TBC1D30: variants seen among roughly 807,000 people sequenced by gnomAD.
The protein encoded by TBC1D30 is TBC1 domain family member 30.
In TBC1D30, 31 loss-of-function variants were observed where a neutral mutation model predicts 63.2. The observed-to-expected ratio is 0.49, with a 90% CI of 0.37 to 0.66. The LOEUF (loss-of-function observed/expected upper bound fraction) is 0.66. Among genes scored for constraint, TBC1D30 ranks in the 30% least tolerant of loss-of-function variants. The probability of loss-of-function intolerance (pLI) is 0.00; values close to 1 mark genes in which losing one functional copy is unlikely to be tolerated. For missense variants in TBC1D30, 810 were observed against 953.6 expected (o/e 0.85, Z 1.98); for synonymous variants, 307 against 361.5 (o/e 0.85, Z 1.71).
chr12:64,774,809 A>G (rs183589513), intron 1 of TBC1D30, among the ~76,000 whole-genome samples: 450 of 152,094 alleles, frequency 3.0e-3, no homozygotes, highest in African/African-American at 0.01. Flanking sequence ...ATATGGAAAG[A>G]AGGCCGGGCA....
intron 7 of TBC1D30, 66 bp from the exon 8 acceptor site, chr12:64,843,314 A>G (rs1592624631): frequency 1.5e-6 from 2 of 1,345,196 alleles, no homozygotes; most frequent in Admixed American, 2.0e-5. Context: ...TTATACCTGC[A>G]GCATGTACTG....
chr12:64,801,852 C>T (rs976534852), intron 2 of TBC1D30, among the ~76,000 whole-genome samples: 2 of 152,186 alleles, frequency 1.3e-5, no homozygotes, highest in African/African-American at 2.4e-5. Context: ...ACCTCCTTAA[C>T]AGCATTGTGA....
rs1879396340 is a variant in TBC1D30, at chr12:64,880,546, A to G, written c.*4758A>G. ...TATGTTTTGGTCTCTTCCTCTTCTG[A>G]TAAGGGCACTAACCTCATCATGAGG... On this transcript the variant is annotated 3_prime_UTR_variant, in exon 12 of 12. Coordinates refer to ENST00000539867, the MANE Select transcript of TBC1D30 (RefSeq NM_015279.2). The G allele has an allele frequency of 1.3e-5, 2 of 152,320 alleles. No individual in the cohort carries two copies. Among genetic ancestry groups the G allele is most frequent in the Non-Finnish European group, 2.9e-5 (2 of 68,046 alleles). 9.4% of individuals were successfully genotyped at this position (152,320 alleles called of 1,614,324 possible).
chr12:64,800,882 G>C (rs1212847382), intron 2 of TBC1D30, among the ~76,000 whole-genome samples: 1 of 152,192 alleles, frequency 6.6e-6, no homozygotes, highest in Non-Finnish European at 1.5e-5. Flanking sequence ...TCATTTAAGA[G>C]GAGTTTCTGT....
At chr12:64,766,967 A>G (rs374369430) in intron 1 of TBC1D30, among the ~76,000 whole-genome samples, 11 of 152,190 alleles carry the variant, frequency 7.2e-5, no homozygotes, top group African/African-American at 2.2e-4. Flanking sequence ...AACAGAAATC[A>G]AAAGGGAAAT....
intron 1 of TBC1D30, among the ~76,000 whole-genome samples, chr12:64,783,733 A>T (rs1052680913): frequency 6.6e-6 from 1 of 151,522 alleles, no homozygotes; most frequent in African/African-American, 2.4e-5. Flanking sequence ...CTTAGGGATC[A>T]CTGGAAATGA....
At chr12:64,836,343 A>C in intron 5 of TBC1D30, 147 bp from the exon 6 acceptor site, 2 of 604,464 alleles carry the variant, frequency 3.3e-6, no homozygotes, top group South Asian at 5.0e-5. Context: ...AGCCTTGTAA[A>C]TCTGGAACAT....
intron 1 of TBC1D30, chr12:64,825,301 G>A (rs1470656883): frequency 9.5e-6 from 4 of 423,224 alleles, no homozygotes; most frequent in African/African-American, 6.2e-5. Flanking sequence ...CCTGCGGCCT[G>A]TGTGCTCGGC....
At chr12:64,849,837 G>T (rs1876709664) in intron 8 of TBC1D30, among the ~76,000 whole-genome samples, 1 of 152,130 alleles carries the variant, frequency 6.6e-6, no homozygotes, top group Non-Finnish European at 1.5e-5. Context: ...GATGGGGATA[G>T]CATTGAATCT....
intron 2 of TBC1D30, among the ~76,000 whole-genome samples, chr12:64,796,799 G>A (rs1872300677): frequency 6.6e-6 from 1 of 152,060 alleles, no homozygotes; most frequent in African/African-American, 2.4e-5. Flanking sequence ...ATGGTAACAA[G>A]CAATATATCA....
intron 1 of TBC1D30, among the ~76,000 whole-genome samples, chr12:64,770,441 G>A (rs1187329912): frequency 6.6e-6 from 1 of 152,184 alleles, no homozygotes; most frequent in African/African-American, 2.4e-5. Context: ...TCCCAGGGCT[G>A]GCTTTATGCA....
intron 1 of TBC1D30, among the ~76,000 whole-genome samples, 198 bp from the exon 2 acceptor site, chr12:64,827,637 C>T (rs982731858): frequency 1.1e-4 from 16 of 152,092 alleles, no homozygotes; most frequent in African/African-American, 3.1e-4. Context: ...TAGTAAGGCA[C>T]TTTCTATTGC....
chr12:64,818,025 T>C (rs543309326), intron 2 of TBC1D30, among the ~76,000 whole-genome samples: 2 of 148,756 alleles, frequency 1.3e-5, no homozygotes, highest in South Asian at 2.1e-4. Flanking sequence ...ATCCCTCCAC[T>C]GTACTCCAGC....
At chr12:64,832,057 G>A (rs914105597) in intron 4 of TBC1D30, 62 bp from the exon 5 acceptor site, 7 of 1,361,514 alleles carry the variant, frequency 5.1e-6, no homozygotes, top group Non-Finnish European at 6.8e-6. Flanking sequence ...AAAAAAAAAA[G>A]GTATTGTTTT....
upstream of TBC1D30, chr12:64,779,109 A>T (rs1871159917): frequency 6.6e-6 from 1 of 151,918 alleles, no homozygotes; most frequent in Admixed American, 6.6e-5. Context: ...CCTGATGGAG[A>T]TTCCCTAAAT....
chr12:64,780,170 C>T (rs1173275246), upstream of TBC1D30, among the ~76,000 whole-genome samples: 4 of 152,202 alleles, frequency 2.6e-5, no homozygotes, highest in Non-Finnish European at 4.4e-5. Context: ...AAAAAGTTCA[C>T]AGCGTTATTA....
In TBC1D30 at chr12:64,875,415, C is replaced by T. The variant is rs568811029; in HGVS notation, c.1913C>T (p.Pro638Leu). 8.6e-5 allele frequency: 132 copies of T among 1,536,176 alleles called. 1 individual carries two copies. In the East Asian group the frequency reaches 9.3e-4, roughly 11 times the overall value. ...STRRTIEGQSPEPVFGDADVD... is the reference protein window; with the variant it reads ...STRRTIEGQSLEPVFGDADVD... ...AGGAGGACGATCGAGGGGCAGTCTC[C>T]GGAGCCGGTGTTCGGAGATGCTGAT... Residue 638 changes from proline (P) to leucine (L), a missense_variant, in exon 12 of 12, where the codon CCG becomes CTG. Transcript: ENST00000539867.
chr12:64,864,701 C>T lies in TBC1D30; in HGVS notation c.1072C>T (p.Gln358Ter). Reference sequence around the variant, plus strand: ...TTCCATGGCTCCGTTCCCTTTCCCACAATTGGCAGAGTTGAGGGAAAAATA... The same window carrying T: ...TTCCATGGCTCCGTTCCCTTTCCCATAATTGGCAGAGTTGAGGGAAAAATA... The part of the protein sequence containing the change: ...VYSMAPFPFP[Q>*]LAELREKYTY... Residue 358 changes from glutamine to a stop codon, truncating the protein, a stop_gained, in exon 9 of 12, where the codon CAA (glutamine) becomes TAA (stop). Coordinates refer to ENST00000539867, the MANE Select transcript of TBC1D30 (RefSeq NM_015279.2). LOFTEE classifies it high-confidence loss of function. The T allele has an allele frequency of 6.5e-7, 1 of 1,536,492 alleles. No individual in the cohort carries two copies. Among genetic ancestry groups the T allele is most frequent in the Non-Finnish European group, 8.7e-7 (1 of 1,146,972 alleles).
chr12:64,813,122 G>T (rs1028469264), intron 2 of TBC1D30, among the ~76,000 whole-genome samples: 1 of 152,172 alleles, frequency 6.6e-6, no homozygotes. Flanking sequence ...GGACATGGTG[G>T]TTCAAGCCTG....
Sources: gnomAD v4.1 joint callset for allele counts (sites outside exome capture counted in the v4.1 genomes callset) on GRCh38, gnomAD v4.1.1 for gene constraint, MANE v1.5 for transcripts, NCBI Gene and HGNC (gene_info 2026-07-23, HGNC 2026-07-21) for gene names.